The following VRK2 variants were observed in gnomAD, a reference collection of about 807,000 sequenced individuals.
VRK2 encodes VRK serine/threonine kinase 2, also known as serine/threonine-protein kinase VRK2.
Under a neutral mutation model 57.6 loss-of-function variants are expected in VRK2, and 60 were observed. The ratio of observed to expected loss-of-function variants is 1.04; its 90% CI spans 0.85 to 1.29. VRK2 has a LOEUF of 1.29. VRK2 is among the 50% of genes most tolerant of loss of function. VRK2 has a pLI of 0.00. For synonymous variants in VRK2, 231 were observed against 199.2 expected, an observed-to-expected ratio of 1.16 and a Z score of -1.35; for missense variants, 705 against 588.1, an observed-to-expected ratio of 1.20 and a Z score of -2.06.
At chr2:58,128,812 A>G (rs1289330999) in intron 8 of VRK2, among the ~76,000 whole-genome samples, 1 of 152,168 alleles carries the variant, frequency 6.6e-6, no homozygotes, top group African/African-American at 2.4e-5. Context: ...GATGAGATGA[A>G]ATAATAAAAA....
At chr2:58,052,540 T>A (rs1675903846) in intron 2 of VRK2, among the ~76,000 whole-genome samples, 1 of 150,828 alleles carries the variant, frequency 6.6e-6, no homozygotes, top group Non-Finnish European at 1.5e-5. Context: ...GAGGAGGAGG[T>A]TGCAGTGAGC....
intron 5 of VRK2, among the ~76,000 whole-genome samples, chr2:58,087,320 G>T (rs772195240): frequency 1.3e-5 from 2 of 152,104 alleles, no homozygotes; most frequent in Non-Finnish European, 2.9e-5. Context: ...TGAAGTAAAG[G>T]ACTGCCACTG....
At chr2:57,964,086 G>T (rs192419986) in intron 1 of VRK2, among the ~76,000 whole-genome samples, 2 of 152,212 alleles carry the variant, frequency 1.3e-5, no homozygotes, top group Admixed American at 1.3e-4. Context: ...GGGTTAGGGA[G>T]CTAGCCCCTT....
chr2:57,982,977 G>A (rs181907090), intron 1 of VRK2, among the ~76,000 whole-genome samples: 2 of 152,234 alleles, frequency 1.3e-5, no homozygotes, highest in East Asian at 3.9e-4. Flanking sequence ...GGATCCCAGA[G>A]GTCCATGGAC....
Position 58,089,733 on chromosome 2 carries a change from T to G in VRK2, c.543+10T>G, listed in dbSNP as rs747521787. On this transcript the variant is annotated intron_variant, in intron 7 of 12. Coordinates refer to ENST00000340157, the MANE Select transcript of VRK2 (RefSeq NM_006296.7). Reference sequence around the variant, plus strand: ...CAAAAATCCAGACCAGGTAAATACATACTTTTGCTTTTAATAAAGGTCTTT... The same window carrying G: ...CAAAAATCCAGACCAGGTAAATACAGACTTTTGCTTTTAATAAAGGTCTTT... 3.6e-5 allele frequency: 57 copies of G among 1,580,560 alleles called. No individual in the cohort carries two copies. Among genetic ancestry groups the G allele is most frequent in the Non-Finnish European group, 4.9e-5 (57 of 1,156,478 alleles).
intron 1 of VRK2, among the ~76,000 whole-genome samples, chr2:57,924,971 T>C (rs961966553): frequency 4.6e-5 from 7 of 152,020 alleles, no homozygotes; most frequent in East Asian, 1.9e-4. Context: ...AATGATCATA[T>C]AGATTTTTGT....
chr2:58,075,065 C>T (rs1047163849), intron 2 of VRK2, among the ~76,000 whole-genome samples: 5 of 151,992 alleles, frequency 3.3e-5, no homozygotes, highest in African/African-American at 1.2e-4. Context: ...CTTAAGTAGG[C>T]GCCGTTGTCT....
chr2:57,940,047 A>C (rs1198527862), intron 1 of VRK2, among the ~76,000 whole-genome samples: 1 of 152,174 alleles, frequency 6.6e-6, no homozygotes, highest in Non-Finnish European at 1.5e-5. Flanking sequence ...TTATACTTTC[A>C]TAAAAGTCAT....
intron 1 of VRK2, among the ~76,000 whole-genome samples, chr2:57,937,426 G>A (rs1192275943): frequency 2.0e-5 from 3 of 152,162 alleles, no homozygotes; most frequent in Non-Finnish European, 4.4e-5. Context: ...CTGACACTAA[G>A]GACACAAATC....
At chr2:58,059,739 T>C (rs1677054976) in intron 2 of VRK2, among the ~76,000 whole-genome samples, 1 of 151,860 alleles carries the variant, frequency 6.6e-6, no homozygotes, top group African/African-American at 2.4e-5. Flanking sequence ...GAACATTTCA[T>C]GTAGTGGTAA....
At position 58,159,664 on chromosome 2, in the gene VRK2, T is replaced by A; in HGVS notation, c.1498T>A (p.Leu500Ile). Residue 500 changes from leucine to isoleucine, a missense_variant, in exon 13 of 13, where the codon TTA becomes ATA. Leu to Ile is a conservative substitution (Grantham distance 5). Coordinates refer to ENST00000340157, the MANE Select transcript of VRK2 (RefSeq NM_006296.7). ...YRIIIPVLLM[L>I]VFLALFFL Reference sequence around the variant, plus strand: ...CATCATCATACCTGTCCTTTTGATGTTAGTATTTCTTGCTTTATTTTTTCT... The same window carrying A: ...CATCATCATACCTGTCCTTTTGATGATAGTATTTCTTGCTTTATTTTTTCT... 2 of 1,613,070 alleles carry A rather than the reference T, an allele frequency of 1.2e-6. No homozygotes were observed. The highest frequency in any genetic ancestry group is 4.5e-5 in the East Asian group (2 of 44,848).
intron 1 of VRK2, among the ~76,000 whole-genome samples, chr2:58,013,445 G>T (rs1406475740): frequency 6.6e-6 from 1 of 152,114 alleles, no homozygotes; most frequent in South Asian, 2.1e-4. Context: ...TCTATCAGTG[G>T]TAACTTTGTA....
At chr2:58,016,584 T>C (rs1456862146) in intron 1 of VRK2, among the ~76,000 whole-genome samples, 1 of 152,034 alleles carries the variant, frequency 6.6e-6, no homozygotes, top group Non-Finnish European at 1.5e-5. Context: ...GTCTCAAAAC[T>C]CTTGACCTCA....
chr2:58,050,985 C>T (rs1238465638), intron 2 of VRK2, among the ~76,000 whole-genome samples: 1 of 152,110 alleles, frequency 6.6e-6, no homozygotes, highest in Non-Finnish European at 1.5e-5. Flanking sequence ...TCTGGGACTA[C>T]AGGCACCTGC....
intron 1 of VRK2, among the ~76,000 whole-genome samples, chr2:57,978,941 T>A (rs1024475301): frequency 6.6e-6 from 1 of 150,980 alleles, no homozygotes; most frequent in Non-Finnish European, 1.5e-5. Context: ...GTGAAGATGA[T>A]GGCTTCCAGT....
chr2:58,038,028 C>T (rs13385386), intron 3 of VRK2, among the ~76,000 whole-genome samples: 24 of 152,186 alleles, frequency 1.6e-4, no homozygotes, highest in African/African-American at 5.5e-4. Context: ...GAATATGACA[C>T]CCCAAAATAT....
chr2:58,027,075 A>C (rs578093364), intron 2 of VRK2, among the ~76,000 whole-genome samples: 14 of 152,166 alleles, frequency 9.2e-5, no homozygotes, highest in African/African-American at 3.1e-4. Flanking sequence ...TTAAACTTTT[A>C]TTTAAATAAA....
intron 1 of VRK2, among the ~76,000 whole-genome samples, chr2:57,929,038 C>T (rs2103926153): frequency 6.6e-6 from 1 of 152,138 alleles, no homozygotes; most frequent in East Asian, 1.9e-4. Flanking sequence ...TGCCCAAGGC[C>T]CACAATAACC....
intron 2 of VRK2, among the ~76,000 whole-genome samples, chr2:58,058,688 T>C (rs1011645656): frequency 3.9e-5 from 6 of 152,058 alleles, no homozygotes; most frequent in South Asian, 2.1e-4. Context: ...TAGGAAATTA[T>C]CATATTTATT....
Sources: allele counts gnomAD v4.1 joint callset (sites outside exome capture counted in the v4.1 genomes callset), GRCh38; gene constraint gnomAD v4.1.1; transcripts MANE v1.5; gene names NCBI Gene and HGNC (gene_info 2026-07-23, HGNC 2026-07-21).